The following STXBP4 variants were observed in gnomAD, a reference collection of about 807,000 sequenced individuals.
The protein encoded by STXBP4 is syntaxin binding protein 4.
In STXBP4, 55 loss-of-function variants were observed where a neutral mutation model predicts 76.1. That is an observed-to-expected ratio of 0.72 (90% CI 0.58 to 0.91). The LOEUF is 0.91. Among genes scored for constraint, STXBP4 ranks in the 40% least tolerant of loss-of-function variants. The pLI is 0.00. For missense variants in STXBP4, 618 were observed against 636.9 expected, an observed-to-expected ratio of 0.97 and a Z score of 0.32; for synonymous variants, 201 against 220.2, an observed-to-expected ratio of 0.91 and a Z score of 0.77.
intron 12 of STXBP4, 62 bp from the exon 13 acceptor site, chr17:55,072,838 G>A (rs2079137684): frequency 7.1e-7 from 1 of 1,412,880 alleles, no homozygotes; most frequent in Non-Finnish European, 9.5e-7. Flanking sequence ...AAAATATTTT[G>A]TATAAACCTC....
At chr17:55,200,451 T>G in the STXBP4 span, among the ~76,000 whole-genome samples, 1 of 152,246 alleles carries the variant, frequency 6.6e-6, no homozygotes, top group Admixed American at 6.5e-5. Flanking sequence ...TGCCATAATC[T>G]GTAGCACATT....
At chr17:54,995,667 G>A (rs2077789943) in intron 4 of STXBP4, among the ~76,000 whole-genome samples, 1 of 152,212 alleles carries the variant, frequency 6.6e-6, no homozygotes, top group South Asian at 2.1e-4. Flanking sequence ...GCGGAGCATA[G>A]CACTGGAACC....
chr17:55,113,915 C>G lies in STXBP4; in HGVS notation c.1490-27395C>G, dbSNP rs116639370. 7.1e-3 allele frequency among the ~76,000 whole-genome samples: 1,081 copies of G among 152,182 alleles called. 15 individuals are homozygous for G. Among genetic ancestry groups the G allele is most frequent in the African/African-American group, 0.025 (1,022 of 41,550 alleles). ...GAACGATATTACCCGTGTTCAAATC[C>G]TACCTCTGCCTCCTACAATCAACAT... On this transcript the variant is annotated intron_variant, in intron 16 of 17. Transcript: ENST00000376352.
rs528556186 is a variant in STXBP4, at chr17:55,021,557, G to T, written c.667-9611G>T. On this transcript the variant is annotated intron_variant, in intron 8 of 17. Transcript: ENST00000376352. ...CATAATTTTTTTATAAAAGGAATTA[G>T]CACCCATTGTCTTTATGCTCACTTA... 2.9e-4 allele frequency among the ~76,000 whole-genome samples: 44 copies of T among 152,076 alleles called. 1 individual carries two copies. Among genetic ancestry groups the T allele is most frequent in the Middle Eastern group, 6.8e-3 (2 of 294 alleles).
At chr17:55,089,453 G>A (rs896087274) in intron 16 of STXBP4, among the ~76,000 whole-genome samples, 1 of 152,080 alleles carries the variant, frequency 6.6e-6, no homozygotes, top group South Asian at 2.1e-4. Context: ...GTCTTAATCA[G>A]CATCTTATCT....
chr17:55,057,950 A>G (rs1298094267), intron 12 of STXBP4, among the ~76,000 whole-genome samples: 3 of 152,156 alleles, frequency 2.0e-5, no homozygotes, highest in Non-Finnish European at 4.4e-5. Context: ...CATCCAGTCT[A>G]TCATTGATGG....
intron 8 of STXBP4, among the ~76,000 whole-genome samples, chr17:55,029,791 C>T (rs974977608): frequency 1.3e-5 from 2 of 152,026 alleles, no homozygotes; most frequent in Admixed American, 6.6e-5. Flanking sequence ...TATTTCTTTA[C>T]AGTTGTTCTC....
chr17:55,020,379 T>C (rs1163904978), intron 8 of STXBP4, among the ~76,000 whole-genome samples: 1 of 152,246 alleles, frequency 6.6e-6, no homozygotes, highest in Non-Finnish European at 1.5e-5. Context: ...ATTCACCTTT[T>C]TAACTTAAAT....
intron 16 of STXBP4, among the ~76,000 whole-genome samples, chr17:55,104,590 G>T (rs2541239): frequency 0.24 from 36,648 of 151,906 alleles, 4,898 homozygotes; most frequent in South Asian, 0.31. Context: ...AAATTTTTTT[G>T]TTGTTGTTGT....
At chr17:55,038,864 C>T (rs894848170) in intron 10 of STXBP4, among the ~76,000 whole-genome samples, 5 of 151,898 alleles carry the variant, frequency 3.3e-5, no homozygotes, top group African/African-American at 7.3e-5. Context: ...TAGTGGGCTG[C>T]GACTACCATT....
In STXBP4 at chr17:55,170,538, A is replaced by T. The variant is rs1042718333; in HGVS notation, c.*10627A>T. The T allele has an allele frequency of 6.6e-5, 10 of 152,210 alleles. No homozygotes were observed. The highest frequency in any genetic ancestry group is 1.3e-4 in the Non-Finnish European group (9 of 68,032). The allele number at this position is 152,210 out of a possible 1,614,324, so 9.4% of individuals were successfully genotyped here. Reference sequence around the variant, plus strand: ...CTGTCCTTTATAAGAAAAAATGCTAATGATTTATTGTGTATGAAAAAAGTG... The same window carrying T: ...CTGTCCTTTATAAGAAAAAATGCTATTGATTTATTGTGTATGAAAAAAGTG... On this transcript the variant is annotated 3_prime_UTR_variant, in exon 18 of 18. Coordinates refer to ENST00000376352, the MANE Select transcript of STXBP4 (RefSeq NM_178509.6).
At chr17:55,101,007 G>A (rs952379241) in intron 16 of STXBP4, among the ~76,000 whole-genome samples, 9 of 152,152 alleles carry the variant, frequency 5.9e-5, no homozygotes, top group African/African-American at 1.9e-4. Flanking sequence ...GTAGATTGAA[G>A]CCTTATGAGA....
the STXBP4 span, among the ~76,000 whole-genome samples, chr17:55,189,461 A>G: frequency 3.3e-5 from 5 of 152,196 alleles, no homozygotes; most frequent in African/African-American, 1.2e-4. Context: ...GCCTTAACCC[A>G]GTTCCAACAA....
chr17:55,052,767 T>C (rs2078874376), intron 12 of STXBP4, among the ~76,000 whole-genome samples: 1 of 151,408 alleles, frequency 6.6e-6, no homozygotes, highest in African/African-American at 2.4e-5. Context: ...TGACTCCAAA[T>C]ATGATGCCCA....
chr17:55,061,746 G>C (rs915041960), intron 12 of STXBP4, among the ~76,000 whole-genome samples: 4 of 152,272 alleles, frequency 2.6e-5, no homozygotes, highest in East Asian at 3.9e-4. Context: ...GTCATCTTTT[G>C]GGATTGGTTC....
chr17:55,174,784 G>A (rs974838213), downstream of STXBP4, among the ~76,000 whole-genome samples: 3 of 152,034 alleles, frequency 2.0e-5, no homozygotes, highest in East Asian at 1.9e-4. Flanking sequence ...CCTTCTCCAA[G>A]TTATAGTAGA....
At chr17:55,010,130 A>G (rs1468653852) in intron 8 of STXBP4, among the ~76,000 whole-genome samples, 1 of 152,062 alleles carries the variant, frequency 6.6e-6, no homozygotes, top group African/African-American at 2.4e-5. Flanking sequence ...ATAAAATTTC[A>G]CAAGGAAAGG....
rs1330765777 is a variant in STXBP4 at position 54,986,200 on chromosome 17, A to C, written c.-20A>C. 6.3e-7 allele frequency: 1 copy of C among 1,594,764 alleles called. No homozygotes were observed. The highest frequency in any genetic ancestry group is 8.5e-7 in the Non-Finnish European group (1 of 1,170,420). ...CTTCATTTATACAGCTGTTAAATCC[A>C]AGGCTACTTTGGTGAAAGCATGAAT... On this transcript the variant is annotated 5_prime_UTR_variant, in exon 3 of 18. Transcript: ENST00000376352.
intron 8 of STXBP4, among the ~76,000 whole-genome samples, chr17:55,009,248 C>T (rs938976445): frequency 2.0e-5 from 3 of 152,084 alleles, no homozygotes; most frequent in African/African-American, 4.8e-5. Context: ...TTCTGGCTAA[C>T]GCTTGGTCTG....
Sources: gnomAD v4.1 joint callset for allele counts (sites outside exome capture counted in the v4.1 genomes callset) on GRCh38, gnomAD v4.1.1 for gene constraint, MANE v1.5 for transcripts, NCBI Gene and HGNC (gene_info 2026-07-23, HGNC 2026-07-21) for gene names.